Variants in POLR3E observed in about 807,000 individuals in gnomAD.
POLR3E encodes the protein RNA polymerase III subunit E.
POLR3E carries 41 observed loss-of-function variants against 96.6 expected under a neutral mutation model. That is an observed-to-expected ratio of 0.42 (90% CI 0.33 to 0.55). The LOEUF (loss-of-function observed/expected upper bound fraction) is 0.55, where lower values mean the gene tolerates loss of function less well. Among genes scored for constraint, POLR3E ranks in the 20% least tolerant of loss-of-function variants. The pLI is 0.06. For synonymous variants in POLR3E, 396 were observed against 383.6 expected (o/e 1.03, Z -0.38); for missense variants, 849 against 952.1 (o/e 0.89, Z 1.43).
Position 22,325,210 on chromosome 16 carries a change from A to G in POLR3E, c.1292A>G (p.Glu431Gly). 2.5e-6 allele frequency: 4 copies of G among 1,612,142 alleles called. No individual in the cohort carries two copies. The highest frequency in any genetic ancestry group is 8.5e-7 in the Non-Finnish European group (1 of 1,178,230). Residue 431 changes from glutamate (E) to glycine (G), a missense_variant, in exon 17 of 21, where the codon GAA becomes GGA. Transcript: ENST00000299853. ...MLWTGIQAKL[E>G]KVYNLVKETM... is the part of the protein sequence containing the mutation. ...GGGGTTACTCTTCTTTTCAGACTGGAAAAAGTCTATAATCTTGTAAAGGAA... is the reference window on the plus strand; with the variant it reads ...GGGGTTACTCTTCTTTTCAGACTGGGAAAAGTCTATAATCTTGTAAAGGAA...
Position 22,322,799 on chromosome 16 carries a change from A to C in POLR3E, c.987-51A>C, listed in dbSNP as rs777064986. 1.7e-5 allele frequency: 22 copies of C among 1,304,890 alleles called. No individual in the cohort carries two copies. Among genetic ancestry groups the C allele is most frequent in the Non-Finnish European group, 2.3e-5 (21 of 904,108 alleles). 80.8% of individuals were successfully genotyped at this position (1,304,890 alleles called of 1,614,324 possible). A position where few individuals can be genotyped will look rare whatever the true frequency, so the allele number is the denominator to read the frequency against. ...GGGCTTGGCCGGGAGGGGTAGCGGTAGAGGGGGCTCAGGGCAGGGACTGAC... is the reference window on the plus strand; with the variant it reads ...GGGCTTGGCCGGGAGGGGTAGCGGTCGAGGGGGCTCAGGGCAGGGACTGAC... On this transcript the variant is annotated intron_variant, in intron 13 of 20. Transcript: ENST00000299853. The surrounding 1 kb of genome is among the most constrained non-coding windows in gnomAD (Gnocchi z 5.2).
At position 22,313,763 on chromosome 16, in the gene POLR3E, C is replaced by A; in HGVS notation, c.472+36C>A. 7.1e-7 allele frequency: 1 copy of A among 1,399,382 alleles called. No homozygotes were observed. Among genetic ancestry groups the A allele is most frequent in the Non-Finnish European group, 1.0e-6 (1 of 990,378 alleles). 86.7% of individuals were successfully genotyped at this position (1,399,382 alleles called of 1,614,324 possible). A position where few individuals can be genotyped will look rare whatever the true frequency, so the allele number is the denominator to read the frequency against. On this transcript the variant is annotated intron_variant, in intron 7 of 20. Coordinates refer to ENST00000299853, the MANE Select transcript of POLR3E (RefSeq NM_018119.4). The surrounding 1 kb of genome is among the most constrained non-coding windows in gnomAD (Gnocchi z 4.1). ...GATCCCCAGCCCTGCTGCCTGCCTG[C>A]CTTCATCCTGGTGGGATGGCTTGGT...
chr16:22,303,250 G>A (rs566117147), intron 2 of POLR3E, among the ~76,000 whole-genome samples: 1 of 152,014 alleles, frequency 6.6e-6, no homozygotes, highest in Admixed American at 6.6e-5. Flanking sequence ...TCCACACCCA[G>A]CTCCCCTCCT....
intron 20 of POLR3E, among the ~76,000 whole-genome samples, chr16:22,333,211 G>A (rs559416394): frequency 1.9e-4 from 29 of 150,982 alleles, no homozygotes; most frequent in African/African-American, 7.0e-4. Flanking sequence ...CCAGCGCTTT[G>A]GGAGGCTGAG....
chr16:22,311,525 C>CAA (rs1369458860), intron 6 of POLR3E, among the ~76,000 whole-genome samples: 1 of 151,052 alleles, frequency 6.6e-6, no homozygotes, highest in East Asian at 1.9e-4. Flanking sequence ...GACCGGGTCT[C>CAA]ACTCTGTCAC....
chr16:22,305,507 A>C, intron 3 of POLR3E: 1 of 610,298 alleles, frequency 1.6e-6, no homozygotes, highest in Non-Finnish European at 3.1e-6. Flanking sequence ...AAGTTTCTTA[A>C]TCCTTCTGTG....
chr16:22,325,323 G>A (rs904437160), intron 17 of POLR3E, 57 bp downstream of exon 17: 11 of 1,390,866 alleles, frequency 7.9e-6, no homozygotes, highest in South Asian at 3.5e-5. Context: ...GCTCCGGAAG[G>A]GCTGCTGTGC....
At chr16:22,311,432 T>C (rs776083628) in intron 6 of POLR3E, among the ~76,000 whole-genome samples, 1 of 152,056 alleles carries the variant, frequency 6.6e-6, no homozygotes, top group Non-Finnish European at 1.5e-5. Flanking sequence ...TTTTATACTA[T>C]ACTTTTACTG....
At chr16:22,317,864 G>A (rs1432688665) in intron 12 of POLR3E, among the ~76,000 whole-genome samples, 2 of 151,874 alleles carry the variant, frequency 1.3e-5, no homozygotes, top group African/African-American at 2.4e-5. Flanking sequence ...GGGTACTCTT[G>A]CCAGACCTGG....
chr16:22,331,002 T>TTTTTTC (rs2048727479), intron 19 of POLR3E, among the ~76,000 whole-genome samples: 1 of 110,598 alleles, frequency 9.0e-6, no homozygotes, highest in Non-Finnish European at 1.7e-5. Flanking sequence ...TTTTTTTTTT[T>TTTTTTC]TTTTTTTTTT....
At position 22,326,116 on chromosome 16, in the gene POLR3E, C is replaced by G; in HGVS notation, c.1704C>G (p.Ala568=). 6.2e-7 allele frequency: 1 copy of G among 1,613,964 alleles called. No individual in the cohort carries two copies. The highest frequency in any genetic ancestry group is 8.5e-7 in the Non-Finnish European group (1 of 1,180,006). Residue 568 remains alanine, a synonymous_variant, in exon 18 of 21, where the codon GCC becomes GCG. Transcript: ENST00000299853. ...VARELKAFVE[A]TFQRQFVLTL... is the part of the protein sequence containing the mutation. Reference sequence around the variant, plus strand: ...GGGAACTGAAGGCCTTCGTGGAGGCCACCTTTCAGAGACAGTTTGTGCTCA... The same window carrying G: ...GGGAACTGAAGGCCTTCGTGGAGGCGACCTTTCAGAGACAGTTTGTGCTCA...
intron 8 of POLR3E, 61 bp from the exon 9 acceptor site, chr16:22,315,028 G>A: frequency 1.3e-6 from 2 of 1,581,412 alleles, no homozygotes; most frequent in Non-Finnish European, 1.7e-6. Flanking sequence ...CAGGGGCTGA[G>A]ACGGCAGTCC....
chr16:22,322,907 G>T lies in POLR3E; in HGVS notation c.1044G>T (p.Val348=), dbSNP rs754654928. 3.7e-6 allele frequency: 6 copies of T among 1,612,610 alleles called. No individual in the cohort carries two copies. Among genetic ancestry groups the T allele is most frequent in the East Asian group, 2.2e-5 (1 of 44,832 alleles). Residue 348 remains valine (V), a synonymous_variant, in exon 14 of 21, where the codon GTG becomes GTT. Transcript: ENST00000299853. This position sits in a 1 kb window ranked among gnomAD's most constrained non-coding sequence, Gnocchi z 5.2. ...CTCACAGCGGCGTGCCTGCTGAGGT[G>T]CTCTGCAGGGGCCGAGACTTCGTTG... ...SSPHSGVPAE[V]LCRGRDFVMW...
chr16:22,320,558 G>T (rs1364445262), intron 13 of POLR3E, among the ~76,000 whole-genome samples: 3 of 152,162 alleles, frequency 2.0e-5, no homozygotes, highest in Non-Finnish European at 2.9e-5. Flanking sequence ...ACCGTGCCCG[G>T]CCTGGTGTAT....
intron 5 of POLR3E, 87 bp downstream of exon 5, chr16:22,309,127 C>A: frequency 2.2e-6 from 2 of 916,872 alleles, no homozygotes; most frequent in South Asian, 1.5e-5. Flanking sequence ...CCCCCTTTGC[C>A]CCGTCACTGG....
At chr16:22,330,256 G>A (rs986854400) in intron 19 of POLR3E, among the ~76,000 whole-genome samples, 5 of 151,640 alleles carry the variant, frequency 3.3e-5, no homozygotes, top group East Asian at 2.0e-4. Flanking sequence ...TAGAGATCGC[G>A]GTGGTAGGGG....
intron 14 of POLR3E, among the ~76,000 whole-genome samples, chr16:22,323,930 G>A (rs1164729585): frequency 6.6e-6 from 1 of 152,194 alleles, no homozygotes; most frequent in Non-Finnish European, 1.5e-5. Flanking sequence ...AGGCAGAGTG[G>A]GGGCTGCAGG....
chr16:22,319,355 C>T (rs1329154056), intron 13 of POLR3E, among the ~76,000 whole-genome samples: 1 of 151,938 alleles, frequency 6.6e-6, no homozygotes, highest in Non-Finnish European at 1.5e-5. Context: ...ATCTACAGTG[C>T]TTTCTATTTG....
At chr16:22,307,271 A>T (rs1036898725) in intron 3 of POLR3E, among the ~76,000 whole-genome samples, 6 of 152,090 alleles carry the variant, frequency 3.9e-5, no homozygotes, top group African/African-American at 1.4e-4. Flanking sequence ...CAGTCAGGTG[A>T]TCTCAGAACT....
Sources: gnomAD v4.1 joint callset for allele counts (sites outside exome capture counted in the v4.1 genomes callset) on GRCh38, gnomAD v4.1.1 for gene constraint, Gnocchi (gnomAD v3.1) non-coding constraint, MANE v1.5 for transcripts, NCBI Gene and HGNC (gene_info 2026-07-23, HGNC 2026-07-21) for gene names.